The following FSTL4 variants were observed in gnomAD, a reference collection of about 807,000 sequenced individuals.
The protein encoded by FSTL4 is follistatin-related protein 4.
FSTL4 carries 28 observed loss-of-function variants against 78.2 expected under a neutral mutation model. That is an observed-to-expected ratio of 0.36 (90% CI 0.27 to 0.49). The LOEUF is 0.49. FSTL4 is among the 20% of genes least tolerant of loss of function. FSTL4 has a pLI of 0.98. For synonymous variants in FSTL4, 422 were observed against 440.5 expected (o/e 0.96, Z 0.53); for missense variants, 922 against 1,084.9 (o/e 0.85, Z 2.11).
intron 3 of FSTL4, among the ~76,000 whole-genome samples, chr5:133,500,014 G>T (rs1357918501): frequency 2.0e-5 from 3 of 152,242 alleles, no homozygotes. Flanking sequence ...AAAAGGCTGG[G>T]GATGTATAGG....
At position 133,201,897 on chromosome 5, in the gene FSTL4, G is replaced by C. The variant is rs200129404; in HGVS notation, c.1826+36C>G. 4 of 1,215,054 alleles carry C rather than the reference G, an allele frequency of 3.3e-6. No homozygotes were observed. The African/African-American group carries it at 5.9e-5, about 18-fold the overall frequency. 75.3% of individuals were successfully genotyped at this position (1,215,054 alleles called of 1,614,324 possible). A position where few individuals can be genotyped will look rare whatever the true frequency, so the allele number is the denominator to read the frequency against. ...GCCCCTTGCAGGGCTGAGCTGGAGC[G>C]GGGAGTGCCTTAGAGGCATCATGGG... is the stretch of plus-strand genomic sequence containing the variant. On this transcript the variant is annotated intron_variant, in intron 15 of 15. Coordinates refer to ENST00000265342, the MANE Select transcript of FSTL4 (RefSeq NM_015082.2).
At chr5:133,312,837 A>C (rs1052684910) in intron 5 of FSTL4, 60 bp from the exon 6 acceptor site, 10 of 1,578,364 alleles carry the variant, frequency 6.3e-6, no homozygotes, top group Admixed American at 1.7e-5. Flanking sequence ...ATAGGCATTG[A>C]TGAAAATGAC....
chr5:133,312,974 G>A (rs1484357865), intron 5 of FSTL4, among the ~76,000 whole-genome samples, 197 bp from the exon 6 acceptor site: 3 of 152,178 alleles, frequency 2.0e-5, no homozygotes, highest in African/African-American at 7.2e-5. Context: ...AGGGGAAGTG[G>A]CTTCCCCAGG....
intron 4 of FSTL4, among the ~76,000 whole-genome samples, chr5:133,377,149 C>A (rs1021328339): frequency 6.6e-6 from 1 of 152,144 alleles, no homozygotes; most frequent in African/African-American, 2.4e-5. Context: ...CAGGCAAATG[C>A]AACTGAGCAG....
At chr5:133,734,909 C>T in the FSTL4 span, among the ~76,000 whole-genome samples, 7 of 152,278 alleles carry the variant, frequency 4.6e-5, no homozygotes, top group South Asian at 4.2e-4. Flanking sequence ...GCATCTTGTA[C>T]GTAAACCCTC....
intron 3 of FSTL4, among the ~76,000 whole-genome samples, chr5:133,524,649 A>G (rs947326427): frequency 6.6e-6 from 1 of 152,194 alleles, no homozygotes; most frequent in Non-Finnish European, 1.5e-5. Flanking sequence ...TAACAGGTGC[A>G]TAGAGGGCCC....
chr5:133,505,126 G>T (rs540297272), intron 3 of FSTL4, among the ~76,000 whole-genome samples: 1 of 152,222 alleles, frequency 6.6e-6, no homozygotes, highest in East Asian at 1.9e-4. Context: ...CATTAACAGA[G>T]AATAGGCTGG....
intron 14 of FSTL4, among the ~76,000 whole-genome samples, chr5:133,206,747 T>C (rs1441745394): frequency 1.3e-5 from 2 of 152,228 alleles, no homozygotes; most frequent in Non-Finnish European, 2.9e-5. Flanking sequence ...TTTGCTTTTT[T>C]CTTTATTGGG....
intron 4 of FSTL4, among the ~76,000 whole-genome samples, chr5:133,320,257 T>C (rs1396867320): frequency 6.6e-6 from 1 of 152,212 alleles, no homozygotes; most frequent in African/African-American, 2.4e-5. Context: ...CCAGGATAGA[T>C]ATTTTCCTAG....
intron 6 of FSTL4, among the ~76,000 whole-genome samples, chr5:133,299,010 CCTGAGCCTT>C (rs2126875834): frequency 6.6e-6 from 1 of 152,380 alleles, no homozygotes; most frequent in African/African-American, 2.4e-5. Flanking sequence ...CTTGTAAGGG[CCTGAGCCTT>C]CTGAGACACT....
chr5:133,429,893 T>C (rs1008162957), intron 3 of FSTL4, among the ~76,000 whole-genome samples: 1 of 152,202 alleles, frequency 6.6e-6, no homozygotes, highest in African/African-American at 2.4e-5. Flanking sequence ...TTCAGGTTAA[T>C]TGGGTCTGTG....
At chr5:133,381,457 T>A (rs1216799320) in intron 4 of FSTL4, among the ~76,000 whole-genome samples, 1 of 152,214 alleles carries the variant, frequency 6.6e-6, no homozygotes, top group African/African-American at 2.4e-5. Flanking sequence ...AAGTAAACCA[T>A]GTTGAGACAC....
chr5:133,522,415 G>C (rs1316361106), intron 3 of FSTL4, among the ~76,000 whole-genome samples: 1 of 152,076 alleles, frequency 6.6e-6, no homozygotes, highest in East Asian at 1.9e-4. Context: ...TTGGGCATTG[G>C]GATTTAAAAA....
At chr5:133,638,817 A>ATT in the FSTL4 span, among the ~76,000 whole-genome samples, 2 of 137,556 alleles carry the variant, frequency 1.5e-5, no homozygotes, top group East Asian at 2.1e-4. Flanking sequence ...TTTGTAAATT[A>ATT]CTTTTTTTTC....
intron 3 of FSTL4, among the ~76,000 whole-genome samples, chr5:133,489,949 G>A (rs28628533): frequency 0.012 from 1,902 of 152,254 alleles, 40 homozygotes; most frequent in African/African-American, 0.044. Flanking sequence ...CCTACAACTC[G>A]TTCCTTTTGC....
At chr5:133,380,670 C>T (rs1331759415) in intron 4 of FSTL4, among the ~76,000 whole-genome samples, 1 of 151,848 alleles carries the variant, frequency 6.6e-6, no homozygotes, top group African/African-American at 2.4e-5. Context: ...CCAACACATT[C>T]TGTGACTTCA....
chr5:133,302,966 G>C (rs572712684), intron 6 of FSTL4, among the ~76,000 whole-genome samples: 2 of 152,326 alleles, frequency 1.3e-5, no homozygotes, highest in South Asian at 4.1e-4. Flanking sequence ...AAAGTGCTAG[G>C]CTCCTCTTCC....
At chr5:133,204,053 G>A (rs1750414567) in intron 14 of FSTL4, among the ~76,000 whole-genome samples, 1 of 152,178 alleles carries the variant, frequency 6.6e-6, no homozygotes, top group Non-Finnish European at 1.5e-5. Context: ...TGAATCTCAG[G>A]ATATGCCCAT....
chr5:133,238,248 C>T (rs1357838055), intron 7 of FSTL4, among the ~76,000 whole-genome samples: 2 of 152,180 alleles, frequency 1.3e-5, no homozygotes, highest in Non-Finnish European at 2.9e-5. Flanking sequence ...CAAGTTCAGA[C>T]TCAGTTGAGA....
Sources: allele counts gnomAD v4.1 joint callset (sites outside exome capture counted in the v4.1 genomes callset), GRCh38; gene constraint gnomAD v4.1.1; transcripts MANE v1.5; gene names NCBI Gene and HGNC (gene_info 2026-07-23, HGNC 2026-07-21).